The following BTAF1 variants were observed in gnomAD, a reference collection of about 807,000 sequenced individuals.
BTAF1 encodes the protein TATA-binding protein-associated factor 172.
BTAF1 carries 38 observed loss-of-function variants against 227.1 expected under a neutral mutation model. That is an observed-to-expected ratio of 0.17 (90% CI 0.13 to 0.22). The LOEUF is 0.22. Ranked by LOEUF, BTAF1 falls within the 10% of genes least tolerant of loss-of-function variation. BTAF1 has a pLI of 1.00. For synonymous variants in BTAF1, 742 were observed against 751.9 expected (o/e 0.99, Z 0.21); for missense variants, 1,598 against 2,204.0 (o/e 0.73, Z 5.51).
chr10:91,998,760 GTTA>G (rs1564706543), intron 25 of BTAF1, among the ~76,000 whole-genome samples: 1 of 152,068 alleles, frequency 6.6e-6, no homozygotes, highest in Non-Finnish European at 1.5e-5. Flanking sequence ...TTTATTAATA[GTTA>G]TTATGGGCTG....
At chr10:91,952,928 CT>C (rs906499143) in intron 5 of BTAF1, among the ~76,000 whole-genome samples, 6 of 152,060 alleles carry the variant, frequency 3.9e-5, no homozygotes, top group African/African-American at 1.4e-4. Context: ...AGAAAGTGGG[CT>C]ATACAGATCA....
At chr10:91,978,126 ATAGTT>A (rs1847814454) in intron 14 of BTAF1, among the ~76,000 whole-genome samples, 1 of 152,214 alleles carries the variant, frequency 6.6e-6, no homozygotes, top group Admixed American at 6.5e-5. Flanking sequence ...ATCACACAGA[ATAGTT>A]TAACTGCCCT....
At chr10:92,012,490 G>A (rs1336723519) in intron 30 of BTAF1, among the ~76,000 whole-genome samples, 1 of 150,768 alleles carries the variant, frequency 6.6e-6, no homozygotes, top group Non-Finnish European at 1.5e-5. Context: ...AAAATGTAAG[G>A]CTGGGCACGG....
At chr10:92,009,725 A>G (rs1008332219) in intron 28 of BTAF1, among the ~76,000 whole-genome samples, 14 of 152,182 alleles carry the variant, frequency 9.2e-5, no homozygotes, top group African/African-American at 3.4e-4. Flanking sequence ...TCTCCACAGA[A>G]GTACTTTTGT....
intron 2 of BTAF1, among the ~76,000 whole-genome samples, chr10:91,938,810 T>C (rs1844802270): frequency 6.6e-6 from 1 of 152,102 alleles, no homozygotes. Context: ...ATTGCACCTG[T>C]GACTAAGACA....
intron 14 of BTAF1, among the ~76,000 whole-genome samples, chr10:91,974,921 A>C (rs1487765996): frequency 2.0e-5 from 3 of 152,098 alleles, no homozygotes; most frequent in African/African-American, 7.2e-5. Flanking sequence ...TTTTTGCTAA[A>C]CTAGCAGCTT....
chr10:91,986,221 A>G (rs1313348613), intron 19 of BTAF1, among the ~76,000 whole-genome samples: 1 of 152,072 alleles, frequency 6.6e-6, no homozygotes, highest in East Asian at 1.9e-4. Flanking sequence ...TCATTTCCCT[A>G]TTGGATTGTT....
chr10:91,938,144 G>A (rs545614090), intron 2 of BTAF1, among the ~76,000 whole-genome samples: 2 of 152,264 alleles, frequency 1.3e-5, no homozygotes, highest in Admixed American at 6.5e-5. Context: ...TTAAAATTGG[G>A]TTATCATTTT....
chr10:91,959,962 C>T lies in BTAF1; in HGVS notation c.1087-16C>T, dbSNP rs187760780. ...GTTTTTTGCAAATATGAGTTTTCTT[C>T]CTTTTTCGTCTGTAGGTTGTGGCAC... On this transcript the variant is annotated splice_polypyrimidine_tract_variant and intron_variant, in intron 10 of 37. Coordinates refer to ENST00000265990, the MANE Select transcript of BTAF1 (RefSeq NM_003972.3). The T allele has an allele frequency of 4.1e-3, 6,525 of 1,600,486 alleles. 16 individuals are homozygous for T. The highest frequency in any genetic ancestry group is 4.6e-3 in the Non-Finnish European group (5,433 of 1,174,516).
rs1847988755 is a variant in BTAF1, at chr10:91,980,547, C to T, written c.1744C>T (p.Leu582Phe). ...GGAAAGCAGCCAGGAAATTCTGGAC[C>T]TTATTCACAAGGTACACAGCAAATG... Reference protein sequence around the residue: ...VLESSQEILDLIHKVWMELLS... With the variant: ...VLESSQEILDFIHKVWMELLS... Residue 582 changes from leucine (L) to phenylalanine (F), a missense_variant, in exon 15 of 38, where the codon CTT (leucine) becomes TTT (phenylalanine). Leu to Phe is a conservative substitution (Grantham distance 22, BLOSUM62 0). Coordinates refer to ENST00000265990, the MANE Select transcript of BTAF1 (RefSeq NM_003972.3). The T allele has an allele frequency of 6.2e-7, 1 of 1,609,926 alleles. No individual in the cohort carries two copies. The highest frequency in any genetic ancestry group is 8.5e-7 in the Non-Finnish European group (1 of 1,176,652).
chr10:91,960,182 G>C, intron 11 of BTAF1, 28 bp downstream of exon 11: 1 of 1,602,724 alleles, frequency 6.2e-7, no homozygotes, highest in Non-Finnish European at 8.5e-7. Flanking sequence ...TGAAGCTTAT[G>C]TGGGAGAGTT....
chr10:91,974,594 G>A (rs960912882), intron 14 of BTAF1, among the ~76,000 whole-genome samples: 3 of 152,184 alleles, frequency 2.0e-5, no homozygotes, highest in African/African-American at 4.8e-5. Flanking sequence ...GCTCACTCCT[G>A]TAACCCCAGG....
chr10:91,952,488 C>G (rs184099848), intron 5 of BTAF1, among the ~76,000 whole-genome samples: 57 of 152,242 alleles, frequency 3.7e-4, no homozygotes, highest in African/African-American at 1.3e-3. Flanking sequence ...TACCTGACCC[C>G]CAGTATTCTT....
At chr10:91,999,458 G>A (rs956846884) in intron 25 of BTAF1, among the ~76,000 whole-genome samples, 3 of 151,966 alleles carry the variant, frequency 2.0e-5, no homozygotes, top group African/African-American at 4.8e-5. Flanking sequence ...GCAATGGCGC[G>A]ACCTCAGCTC....
At chr10:91,924,165 C>A in intron 1 of BTAF1, 75 bp downstream of exon 1, 1 of 1,560,244 alleles carries the variant, frequency 6.4e-7, no homozygotes. Flanking sequence ...GCCCCCACTC[C>A]TAGAGAAGAG....
intron 23 of BTAF1, 49 bp downstream of exon 23, chr10:91,994,693 C>A: frequency 6.7e-7 from 1 of 1,483,616 alleles, no homozygotes; most frequent in South Asian, 1.1e-5. Flanking sequence ...AACAAGTGGT[C>A]TTATTAAAAA....
At chr10:92,013,611 T>A (rs1430235403) in intron 30 of BTAF1, 56 bp from the exon 31 acceptor site, 6 of 1,606,694 alleles carry the variant, frequency 3.7e-6, no homozygotes, top group Non-Finnish European at 5.1e-6. Context: ...ATGTTACTTT[T>A]TTAGTTGTAA....
At position 91,956,420 on chromosome 10, in the gene BTAF1, T is replaced by G. The variant is rs1846089807; in HGVS notation, c.702-108T>G. On this transcript the variant is annotated intron_variant, in intron 6 of 37. Transcript: ENST00000265990. ...TGGTGTAAAACATTTGTTTAAATGATGGATTATCTTAAATTCATTGTGATT... is the reference window on the plus strand; with the variant it reads ...TGGTGTAAAACATTTGTTTAAATGAGGGATTATCTTAAATTCATTGTGATT... 1.9e-5 allele frequency: 24 copies of G among 1,274,260 alleles called. 1 individual carries two copies. The Middle Eastern group carries it at 1.1e-3, about 56-fold the overall frequency. 78.9% of individuals were successfully genotyped at this position (1,274,260 alleles called of 1,614,324 possible).
At position 92,018,858 on chromosome 10, in the gene BTAF1, A is replaced by G. The variant is rs910518750; in HGVS notation, c.4786A>G (p.Thr1596Ala). The G allele has an allele frequency of 6.2e-7, 1 of 1,611,452 alleles. No individual in the cohort carries two copies. Among genetic ancestry groups the G allele is most frequent in the African/African-American group, 1.3e-5 (1 of 74,840 alleles). Residue 1596 changes from threonine (T) to alanine (A), a missense_variant, in exon 34 of 38, where the codon ACT becomes GCT. By Grantham distance (58) the Thr-to-Ala change is moderately conservative (BLOSUM62 0). Transcript: ENST00000265990. ...LTPQHPEFKTTAEKLAVQNSS... is the reference protein window; with the variant it reads ...LTPQHPEFKTAAEKLAVQNSS... ...ACCTCAACATCCAGAATTCAAGACC[A>G]CTGCCGAAAAACTGGCAGTTCAGAA... is the stretch of plus-strand genomic sequence containing the variant.
Sources: allele counts gnomAD v4.1 joint callset (sites outside exome capture counted in the v4.1 genomes callset), GRCh38; gene constraint gnomAD v4.1.1; transcripts MANE v1.5; gene names NCBI Gene and HGNC (gene_info 2026-07-23, HGNC 2026-07-21).